The following SGCZ variants were observed in gnomAD, a reference collection of about 807,000 sequenced individuals.
SGCZ encodes the protein zeta-sarcoglycan.
In SGCZ, 40 loss-of-function variants were observed where a neutral mutation model predicts 41.3. The observed-to-expected ratio is 0.97, with a 90% CI of 0.75 to 1.26. The LOEUF is 1.26. Ranked by LOEUF, SGCZ falls within the 50% of genes most tolerant of loss-of-function variation. The pLI is 0.00. For missense variants in SGCZ, 552 were observed against 369.8 expected (o/e 1.49, Z -4.04); for synonymous variants, 206 against 137.5 (o/e 1.50, Z -3.49).
At chr8:14,773,702 G>A (rs971198495) in intron 1 of SGCZ, among the ~76,000 whole-genome samples, 3 of 152,104 alleles carry the variant, frequency 2.0e-5, no homozygotes, top group African/African-American at 4.8e-5. Context: ...AGATTAACAT[G>A]CATCATACAG....
chr8:14,685,911 A>G (rs573268951), intron 1 of SGCZ, among the ~76,000 whole-genome samples: 1 of 152,312 alleles, frequency 6.6e-6, no homozygotes, highest in African/African-American at 2.4e-5. Context: ...CCAGTGTACT[A>G]GAATTCATGA....
chr8:15,147,079 A>G (rs977386197), intron 1 of SGCZ, among the ~76,000 whole-genome samples: 2 of 152,186 alleles, frequency 1.3e-5, no homozygotes, highest in Non-Finnish European at 2.9e-5. Flanking sequence ...GATCCAAGAT[A>G]ATATACATCA....
chr8:14,975,347 A>G (rs963937817), intron 1 of SGCZ, among the ~76,000 whole-genome samples: 1 of 152,142 alleles, frequency 6.6e-6, no homozygotes, highest in Non-Finnish European at 1.5e-5. Context: ...AGCCTCATCC[A>G]AAGGGGAATT....
At chr8:15,051,507 T>A (rs923775979) in intron 1 of SGCZ, among the ~76,000 whole-genome samples, 1 of 152,290 alleles carries the variant, frequency 6.6e-6, no homozygotes, top group East Asian at 1.9e-4. Context: ...CATATGCGTA[T>A]ATTTTCCTTG....
intron 4 of SGCZ, among the ~76,000 whole-genome samples, chr8:14,226,562 T>C (rs1201216236): frequency 1.3e-5 from 2 of 152,140 alleles, no homozygotes; most frequent in Non-Finnish European, 2.9e-5. Flanking sequence ...TGAATACCAT[T>C]CCACTGTGTT....
At chr8:14,532,008 G>A (rs1312980475) in intron 2 of SGCZ, among the ~76,000 whole-genome samples, 1 of 152,044 alleles carries the variant, frequency 6.6e-6, no homozygotes, top group African/African-American at 2.4e-5. Context: ...AAATGTAAAA[G>A]TAGTTGATTT....
intron 3 of SGCZ, among the ~76,000 whole-genome samples, chr8:14,255,052 T>C (rs1799412005): frequency 6.6e-6 from 1 of 152,126 alleles, no homozygotes; most frequent in Admixed American, 6.6e-5. Context: ...TGGGTGGATG[T>C]CCTCTATGTA....
intron 1 of SGCZ, among the ~76,000 whole-genome samples, chr8:15,156,245 G>T (rs1799328233): frequency 6.6e-6 from 1 of 152,072 alleles, no homozygotes; most frequent in South Asian, 2.1e-4. Flanking sequence ...TATGAGTCCT[G>T]AAAGACTGAG....
intron 4 of SGCZ, among the ~76,000 whole-genome samples, chr8:14,201,163 C>G (rs1563182246): frequency 6.6e-6 from 1 of 152,124 alleles, no homozygotes; most frequent in Non-Finnish European, 1.5e-5. Context: ...AATGCTCATA[C>G]AGGCAGGTAG....
At chr8:14,531,535 C>T (rs11203620) in intron 2 of SGCZ, among the ~76,000 whole-genome samples, 68,903 of 151,654 alleles carry the variant, frequency 0.45, 15,809 homozygotes, top group Middle Eastern at 0.61. Context: ...AGGAAAGACG[C>T]GAGATTTCCC....
intron 3 of SGCZ, among the ~76,000 whole-genome samples, chr8:14,274,088 T>C (rs1375481084): frequency 2.0e-5 from 3 of 152,172 alleles, no homozygotes; most frequent in African/African-American, 7.2e-5. Flanking sequence ...TCTAATATTT[T>C]ACTATTCACT....
intron 1 of SGCZ, among the ~76,000 whole-genome samples, chr8:15,200,799 G>A (rs772987862): frequency 5.3e-5 from 8 of 152,064 alleles, no homozygotes; most frequent in South Asian, 2.1e-4. Context: ...ACAAACCCAC[G>A]TCTGCCTGAC....
At chr8:14,625,515 G>A (rs1806425760) in intron 1 of SGCZ, among the ~76,000 whole-genome samples, 1 of 152,146 alleles carries the variant, frequency 6.6e-6, no homozygotes, top group Non-Finnish European at 1.5e-5. Context: ...GGAAAATACA[G>A]CTGAGATTTC....
At chr8:14,999,271 C>A (rs79853348) in intron 1 of SGCZ, among the ~76,000 whole-genome samples, 3,301 of 152,168 alleles carry the variant, frequency 0.022, 136 homozygotes, top group African/African-American at 0.075. Context: ...AGAAACACAA[C>A]TAAATAAGCT....
chr8:14,129,345 CAAAAAA>C (rs534660638), intron 5 of SGCZ, among the ~76,000 whole-genome samples: 4 of 44,114 alleles, frequency 9.1e-5, no homozygotes, highest in South Asian at 1.5e-3. Context: ...GACTCCGTCT[CAAAAAA>C]AAAAAAAAAA....
At chr8:14,549,246 A>G (rs1487329873) in intron 2 of SGCZ, among the ~76,000 whole-genome samples, 1 of 152,030 alleles carries the variant, frequency 6.6e-6, no homozygotes, top group Non-Finnish European at 1.5e-5. Flanking sequence ...GATTCAAAGG[A>G]CTGTACTTTC....
chr8:14,354,857 A>T (rs1372678747), intron 2 of SGCZ, among the ~76,000 whole-genome samples: 6 of 151,902 alleles, frequency 3.9e-5, no homozygotes, highest in African/African-American at 1.4e-4. Flanking sequence ...TAGTAAAGCA[A>T]CACAAATTTT....
chr8:14,320,108 A>T (rs1055971480), intron 3 of SGCZ, among the ~76,000 whole-genome samples: 2 of 150,734 alleles, frequency 1.3e-5, no homozygotes, highest in Non-Finnish European at 3.0e-5. Flanking sequence ...TGTTAACAGT[A>T]TTTTTTTTTC....
chr8:14,158,431 ACTAGATGGTGCCCAC>A (rs1271825496), intron 5 of SGCZ, among the ~76,000 whole-genome samples: 1 of 152,164 alleles, frequency 6.6e-6, no homozygotes, highest in African/African-American at 2.4e-5. Context: ...ATAAAAGCTG[ACTAGATGGTGCCCAC>A]CTAGATTGAG....
Sources: allele counts gnomAD v4.1 joint callset (sites outside exome capture counted in the v4.1 genomes callset), GRCh38; gene constraint gnomAD v4.1.1; transcripts MANE v1.5; gene names NCBI Gene and HGNC (gene_info 2026-07-23, HGNC 2026-07-21).